Variants in UBE4B observed in about 807,000 individuals in gnomAD.
The protein encoded by UBE4B is ubiquitin conjugation factor E4 B.
UBE4B carries 27 observed loss-of-function variants against 148.1 expected under a neutral mutation model. The ratio of observed to expected loss-of-function variants is 0.18; its 90% CI spans 0.13 to 0.25. UBE4B has a LOEUF of 0.25. Among genes scored for constraint, UBE4B ranks in the 10% least tolerant of loss-of-function variants. UBE4B has a pLI of 1.00. For synonymous variants in UBE4B, 596 were observed against 619.3 expected (o/e 0.96, Z 0.56); for missense variants, 1,170 against 1,662.4 (o/e 0.70, Z 5.15).
chr1:10,131,345 C>T (rs1245833348), intron 14 of UBE4B, among the ~76,000 whole-genome samples: 4 of 151,918 alleles, frequency 2.6e-5, no homozygotes, highest in East Asian at 1.9e-4. Flanking sequence ...GGCATGGCAG[C>T]GCGTGCCTGT....
chr1:10,117,424 A>G (rs1171531261), intron 7 of UBE4B, 35 bp from the exon 8 acceptor site: 4 of 1,608,690 alleles, frequency 2.5e-6, no homozygotes, highest in African/African-American at 1.3e-5. Context: ...TAATCAAGAG[A>G]TAAGAATCAG....
chr1:10,179,189 CTG>C (rs1036904067), intron 26 of UBE4B: 21 of 570,708 alleles, frequency 3.7e-5, no homozygotes, highest in African/African-American at 3.6e-4. Context: ...GCTTTCTTCT[CTG>C]TTCCCTCCCC....
chr1:10,117,067 T>C (rs1557568721), intron 7 of UBE4B, among the ~76,000 whole-genome samples: 1 of 152,220 alleles, frequency 6.6e-6, no homozygotes. Context: ...CAGTCCCTTA[T>C]AACTTTTCCC....
In UBE4B at chr1:10,158,452, C is replaced by T; in HGVS notation, c.3023C>T (p.Ala1008Val). 2.5e-6 allele frequency: 4 copies of T among 1,614,172 alleles called. No individual in the cohort carries two copies. In the South Asian group the frequency reaches 4.4e-5, roughly 18 times the overall value. Residue 1008 changes from alanine to valine, a missense_variant, in exon 22 of 28, where the codon GCT (alanine) becomes GTT (valine). Coordinates refer to ENST00000343090, the MANE Select transcript of UBE4B (RefSeq NM_001105562.3). ...TIFKSLWQNIAHHGTFMEEFN... is the reference protein window; with the variant it reads ...TIFKSLWQNIVHHGTFMEEFN... ...TTTAAAAGCCTTTGGCAAAACATAG[C>T]TCACCATGGCACCTTTATGGAGGAG...
intron 1 of UBE4B, among the ~76,000 whole-genome samples, chr1:10,035,402 T>TTG: frequency 7.3e-6 from 1 of 136,418 alleles, no homozygotes; most frequent in African/African-American, 2.8e-5. Context: ...TTTTTTTTTT[T>TTG]TTTTTTTTTT....
chr1:10,126,292 T>G (rs1399258324), intron 10 of UBE4B, among the ~76,000 whole-genome samples: 1 of 149,814 alleles, frequency 6.7e-6, no homozygotes, highest in East Asian at 2.0e-4. Flanking sequence ...AGAGCGAGAC[T>G]CCGTCTCAAT....
chr1:10,042,152 G>A (rs983743951), intron 1 of UBE4B, among the ~76,000 whole-genome samples: 10 of 152,154 alleles, frequency 6.6e-5, no homozygotes, highest in African/African-American at 2.4e-4. Flanking sequence ...AGCTCATCAA[G>A]TAGCCCCAAG....
intron 2 of UBE4B, among the ~76,000 whole-genome samples, chr1:10,086,842 A>T (rs1330412577): frequency 6.6e-6 from 1 of 152,124 alleles, no homozygotes; most frequent in Non-Finnish European, 1.5e-5. Flanking sequence ...GGCATGTGCC[A>T]CCACGCCCGG....
At chr1:10,134,577 T>C (rs191852646) in intron 15 of UBE4B, among the ~76,000 whole-genome samples, 28 of 152,190 alleles carry the variant, frequency 1.8e-4, no homozygotes, top group Admixed American at 1.8e-3. Flanking sequence ...AATTATATAA[T>C]AGGCGGTATT....
chr1:10,111,232 C>T (rs34219152), intron 7 of UBE4B, among the ~76,000 whole-genome samples: 3,187 of 151,750 alleles, frequency 0.021, 52 homozygotes, highest in Non-Finnish European at 0.032. Context: ...ACACACCACG[C>T]GCTACACACA....
chr1:10,156,271 GCT>G (rs1425583066), intron 21 of UBE4B, among the ~76,000 whole-genome samples: 1 of 129,522 alleles, frequency 7.7e-6, no homozygotes, highest in Non-Finnish European at 1.6e-5. Flanking sequence ...CTAGGGTCTT[GCT>G]CTGTCACCCA....
chr1:10,052,309 T>C (rs1023816001), intron 1 of UBE4B, among the ~76,000 whole-genome samples: 7 of 152,112 alleles, frequency 4.6e-5, no homozygotes, highest in Admixed American at 3.9e-4. Context: ...TGGGCTCAAA[T>C]GATCCTCCGG....
At chr1:10,045,588 C>T (rs1643896140) in intron 1 of UBE4B, among the ~76,000 whole-genome samples, 1 of 152,126 alleles carries the variant, frequency 6.6e-6, no homozygotes, top group South Asian at 2.1e-4. Context: ...TTGTTCTAGA[C>T]CATGAGGGTA....
At chr1:10,112,339 T>G (rs1185884990) in intron 7 of UBE4B, among the ~76,000 whole-genome samples, 2 of 152,236 alleles carry the variant, frequency 1.3e-5, no homozygotes, top group Non-Finnish European at 2.9e-5. Flanking sequence ...ATCATGAATT[T>G]TGTACAGCTG....
chr1:10,102,460 G>A (rs1304338945), intron 4 of UBE4B, among the ~76,000 whole-genome samples: 2 of 130,676 alleles, frequency 1.5e-5, no homozygotes, highest in Non-Finnish European at 3.1e-5. Context: ...GCCCAGGCTG[G>A]AGTGCAATGG....
intron 11 of UBE4B, chr1:10,128,440 A>C (rs917357121): frequency 3.9e-5 from 6 of 152,268 alleles, no homozygotes; most frequent in Non-Finnish European, 8.8e-5. Context: ...TCTCTAGGTC[A>C]GTGGATCCTG....
intron 3 of UBE4B, among the ~76,000 whole-genome samples, chr1:10,099,413 G>A (rs1397432125): frequency 6.6e-6 from 1 of 151,920 alleles, no homozygotes; most frequent in Non-Finnish European, 1.5e-5. Flanking sequence ...ATTAACATAT[G>A]GTACCTAGGA....
intron 11 of UBE4B, chr1:10,128,270 T>C (rs1432210153): frequency 6.6e-6 from 1 of 152,230 alleles, no homozygotes; most frequent in African/African-American, 2.4e-5. Context: ...TGTCCTTTTG[T>C]TCAAAAGACA....
chr1:10,166,455 G>A (rs1373157057), intron 23 of UBE4B: 1 of 152,132 alleles, frequency 6.6e-6, no homozygotes, highest in Non-Finnish European at 1.5e-5. Flanking sequence ...GACCCGATAG[G>A]CCTCAATACG....
Sources: gnomAD v4.1 joint callset for allele counts (sites outside exome capture counted in the v4.1 genomes callset) on GRCh38, gnomAD v4.1.1 for gene constraint, MANE v1.5 for transcripts, NCBI Gene and HGNC (gene_info 2026-07-23, HGNC 2026-07-21) for gene names.